Variants in PRMT8 observed in about 807,000 individuals in gnomAD.
PRMT8 encodes protein arginine methyltransferase 8.
PRMT8 carries 7 observed loss-of-function variants against 47.1 expected under a neutral mutation model. The ratio of observed to expected loss-of-function variants is 0.15; its 90% CI spans 0.08 to 0.28. The LOEUF (loss-of-function observed/expected upper bound fraction) is 0.28. Ranked by LOEUF, PRMT8 falls within the 10% of genes least tolerant of loss-of-function variation. The probability of loss-of-function intolerance (pLI) is 1.00; values close to 1 mark genes in which losing one functional copy is unlikely to be tolerated. For synonymous variants in PRMT8, 188 were observed against 186.5 expected (o/e 1.01, Z -0.07); for missense variants, 237 against 505.4 (o/e 0.47, Z 5.09).
chr12:3,523,682 A>T (rs576425441), intron 1 of PRMT8, among the ~76,000 whole-genome samples: 1 of 152,210 alleles, frequency 6.6e-6, no homozygotes, highest in Non-Finnish European at 1.5e-5. Context: ...GGCACAGGGT[A>T]GTTCTGTTTC....
At chr12:3,523,097 T>C (rs918024266) in intron 1 of PRMT8, among the ~76,000 whole-genome samples, 2 of 152,014 alleles carry the variant, frequency 1.3e-5, no homozygotes, top group African/African-American at 4.8e-5. Flanking sequence ...AGTCTTACAG[T>C]GTGAAAATTT....
rs1427488374 is a variant in PRMT8 at position 3,491,583 on chromosome 12, C to T, written c.-43C>T. ...TTTTAAAGCGACACCAGCTCTCTCTCCTCCTCTACTATCTCGGTATCACCA... is the reference window on the plus strand; with the variant it reads ...TTTTAAAGCGACACCAGCTCTCTCTTCTCCTCTACTATCTCGGTATCACCA... On this transcript the variant is annotated 5_prime_UTR_variant, in exon 1 of 10. Transcript: ENST00000382622. The T allele has an allele frequency of 6.3e-7, 1 of 1,598,888 alleles. No individual in the cohort carries two copies. Among genetic ancestry groups the T allele is most frequent in the African/African-American group, 1.3e-5 (1 of 74,356 alleles).
In PRMT8 at chr12:3,478,307, T is replaced by TCTATCTATCTATCTATCTAC. The variant is rs369719549; in HGVS notation, c.49-62296_49-62295insTCTATCTATCTATCTACCTA. Among the ~76,000 whole-genome samples the TCTATCTATCTATCTATCTAC allele has an allele frequency of 5.7e-4, 77 of 135,726 alleles. 3 individuals are homozygous for TCTATCTATCTATCTATCTAC. Among genetic ancestry groups the TCTATCTATCTATCTATCTAC allele is most frequent in the Admixed American group, 8.9e-4 (12 of 13,474 alleles). The allele number at this position is 135,726 out of a possible 152,430, so 89.0% of individuals were successfully genotyped here. On this transcript the variant is annotated intron_variant, in intron 1 of 9. Coordinates refer to the PRMT8 transcript ENST00000452611. ...ATCTATCTATCTATCTATCTATCTA[T>TCTATCTATCTATCTATCTAC]CTACCTACCTATCTATCTGTCTGTC... is the stretch of plus-strand genomic sequence containing the variant.
At chr12:3,392,552 T>TA (rs1288696552) in intron 1 of PRMT8, among the ~76,000 whole-genome samples, 1 of 151,394 alleles carries the variant, frequency 6.6e-6, no homozygotes, top group Non-Finnish European at 1.5e-5. Flanking sequence ...CATCATTTTT[T>TA]ATGGCTGCAT....
chr12:3,533,623 T>G (rs866090165), intron 1 of PRMT8, among the ~76,000 whole-genome samples: 3 of 152,190 alleles, frequency 2.0e-5, no homozygotes, highest in Non-Finnish European at 4.4e-5. Flanking sequence ...AAGCTAGAGC[T>G]ACCTACCCTA....
intron 1 of PRMT8, among the ~76,000 whole-genome samples, chr12:3,439,837 G>C (rs10744610): frequency 0.86 from 130,339 of 152,168 alleles, 56,201 homozygotes; most frequent in Non-Finnish European, 0.91. Context: ...GTGTGTGAAA[G>C]TGTTGTCTTA....
At chr12:3,509,582 C>T (rs903492772) in intron 1 of PRMT8, among the ~76,000 whole-genome samples, 1 of 152,194 alleles carries the variant, frequency 6.6e-6, no homozygotes, top group Non-Finnish European at 1.5e-5. Flanking sequence ...AGACTTAAAA[C>T]TATTTGTTCA....
chr12:3,562,177 T>G (rs1866648398), intron 4 of PRMT8, among the ~76,000 whole-genome samples: 1 of 152,200 alleles, frequency 6.6e-6, no homozygotes, highest in African/African-American at 2.4e-5. Context: ...GTTTATTAAC[T>G]TGACTAATAA....
chr12:3,471,734 C>T (rs368394534), intron 1 of PRMT8, among the ~76,000 whole-genome samples: 3 of 151,914 alleles, frequency 2.0e-5, no homozygotes, highest in African/African-American at 7.3e-5. Flanking sequence ...TTTAATAAGG[C>T]TGATTGGTCA....
At chr12:3,424,914 A>G (rs1323115830) in intron 1 of PRMT8, among the ~76,000 whole-genome samples, 1 of 152,200 alleles carries the variant, frequency 6.6e-6, no homozygotes, top group African/African-American at 2.4e-5. Flanking sequence ...TGCTTTGGCC[A>G]TGCGTGGACC....
At chr12:3,450,453 C>T (rs1864904011) in intron 1 of PRMT8, among the ~76,000 whole-genome samples, 1 of 152,174 alleles carries the variant, frequency 6.6e-6, no homozygotes, top group East Asian at 1.9e-4. Flanking sequence ...CTCTCAAGGA[C>T]ACAATAGCAG....
chr12:3,495,509 C>T (rs1176164712), intron 1 of PRMT8, among the ~76,000 whole-genome samples: 1 of 152,232 alleles, frequency 6.6e-6, no homozygotes, highest in Non-Finnish European at 1.5e-5. Flanking sequence ...AACGTTACCT[C>T]CTCTGGGCAG....
At chr12:3,547,482 A>C (rs2137173029) in intron 2 of PRMT8, among the ~76,000 whole-genome samples, 1 of 152,286 alleles carries the variant, frequency 6.6e-6, no homozygotes, top group African/African-American at 2.4e-5. Context: ...TCACAAAATA[A>C]AATAGTTGAA....
intron 1 of PRMT8, among the ~76,000 whole-genome samples, chr12:3,428,659 A>G (rs1864634157): frequency 6.6e-6 from 1 of 151,400 alleles, no homozygotes; most frequent in Admixed American, 6.6e-5. Flanking sequence ...TTTTTTCTTA[A>G]CTACTTGTAT....
At chr12:3,398,021 C>A (rs1864276845) in intron 1 of PRMT8, among the ~76,000 whole-genome samples, 1 of 152,068 alleles carries the variant, frequency 6.6e-6, no homozygotes, top group Non-Finnish European at 1.5e-5. Flanking sequence ...AACTCCCTGA[C>A]CCCTTGCGCT....
intron 1 of PRMT8, among the ~76,000 whole-genome samples, chr12:3,438,848 G>T (rs1383093822): frequency 1.3e-5 from 2 of 152,182 alleles, no homozygotes; most frequent in Non-Finnish European, 2.9e-5. Flanking sequence ...GGGATTCAGG[G>T]ATTACTTTCT....
intron 7 of PRMT8, among the ~76,000 whole-genome samples, chr12:3,577,433 A>G (rs2137219977): frequency 6.6e-6 from 1 of 152,224 alleles, no homozygotes; most frequent in East Asian, 1.9e-4. Flanking sequence ...GGCCTGCCAG[A>G]TAGAGCTTCC....
intron 4 of PRMT8, among the ~76,000 whole-genome samples, chr12:3,561,558 A>G (rs1866638094): frequency 6.6e-6 from 1 of 152,208 alleles, no homozygotes; most frequent in East Asian, 1.9e-4. Flanking sequence ...TGGGTGTCCT[A>G]CGGTGAGGGT....
At chr12:3,561,538 C>T (rs915282272) in intron 4 of PRMT8, among the ~76,000 whole-genome samples, 3 of 152,128 alleles carry the variant, frequency 2.0e-5, no homozygotes, top group East Asian at 1.9e-4. Context: ...TCACTGCTCC[C>T]GGTTTGTGAT....
Sources: gnomAD v4.1 joint callset for allele counts (sites outside exome capture counted in the v4.1 genomes callset) on GRCh38, gnomAD v4.1.1 for gene constraint, MANE v1.5 for transcripts, NCBI Gene and HGNC (gene_info 2026-07-23, HGNC 2026-07-21) for gene names.